The following HS3ST1 variants were observed in gnomAD, a reference collection of about 807,000 sequenced individuals.
HS3ST1 encodes heparan sulfate-glucosamine 3-sulfotransferase 1, also known as heparan sulfate glucosamine 3-O-sulfotransferase 1.
A neutral mutation model predicts 20.7 loss-of-function variants in HS3ST1; 8 were observed. That is an observed-to-expected ratio of 0.39 (90% CI 0.23 to 0.70). The LOEUF (loss-of-function observed/expected upper bound fraction) is 0.70, where lower values mean the gene tolerates loss of function less well. Among genes scored for constraint, HS3ST1 ranks in the 30% least tolerant of loss-of-function variants. The probability of loss-of-function intolerance (pLI) is 0.46; values close to 1 mark genes in which losing one functional copy is unlikely to be tolerated. For missense variants in HS3ST1, 436 were observed against 423.4 expected (o/e 1.03, Z -0.26); for synonymous variants, 205 against 190.4 (o/e 1.08, Z -0.63).
At chr4:11,408,719 G>A (rs372208674) in intron 1 of HS3ST1, among the ~76,000 whole-genome samples, 163 of 152,372 alleles carry the variant, frequency 1.1e-3, no homozygotes, top group Non-Finnish European at 1.9e-3. Context: ...GCAGAGCTCC[G>A]TGACAGGAGG....
intron 1 of HS3ST1, among the ~76,000 whole-genome samples, chr4:11,415,635 A>C (rs1403410427): frequency 6.6e-6 from 1 of 152,244 alleles, no homozygotes; most frequent in Non-Finnish European, 1.5e-5. Flanking sequence ...TGAAAGCAGA[A>C]AAATGCTGCT....
Position 11,408,755 on chromosome 4 carries a change from A to G in HS3ST1, c.-108-8642T>C, listed in dbSNP as rs531542246. On this transcript the variant is annotated intron_variant, in intron 1 of 1. Transcript: ENST00000002596. ...GCGGACAGACGGGGCTTCTCTTATT[A>G]CTCAGTGCAACTGAGTGGAAGAGGA... Among the ~76,000 whole-genome samples, 7 of 152,344 alleles carry G rather than the reference A, an allele frequency of 4.6e-5. No individual in the cohort carries two copies. In the East Asian group the frequency reaches 1.2e-3, roughly 25 times the overall value.
At position 11,425,666 on chromosome 4, in the gene HS3ST1, A is replaced by G. The variant is rs1034548705; in HGVS notation, c.-109+3033T>C. On this transcript the variant is annotated intron_variant, in intron 1 of 1. Coordinates refer to ENST00000002596, the MANE Select transcript of HS3ST1 (RefSeq NM_005114.4). ...GAACATTAAAATAGATCTACGATAA[A>G]ACTTAATTTTTTGTATTTTTTACCC... Among the ~76,000 whole-genome samples the G allele has an allele frequency of 6.6e-5, 10 of 152,210 alleles. No homozygotes were observed. The South Asian group carries it at 1.9e-3, about 28-fold the overall frequency.
intron 1 of HS3ST1, among the ~76,000 whole-genome samples, chr4:11,427,322 G>A (rs1179940590): frequency 6.6e-6 from 1 of 152,162 alleles, no homozygotes; most frequent in African/African-American, 2.4e-5. Flanking sequence ...GGCTACTGGC[G>A]GGAGGCGCAG....
chr4:11,398,949 T>C lies in HS3ST1; in HGVS notation c.*133A>G, dbSNP rs1718222768. ...CTAGTATATATGGCAATTGTGAATC[T>C]AATACTGTACAGAAGTACTTTATGG... On this transcript the variant is annotated 3_prime_UTR_variant, in exon 2 of 2. Coordinates refer to ENST00000002596, the MANE Select transcript of HS3ST1 (RefSeq NM_005114.4). The C allele has an allele frequency of 1.3e-6, 1 of 764,780 alleles. No homozygotes were observed. Among genetic ancestry groups the C allele is most frequent in the South Asian group, 1.9e-5 (1 of 53,102 alleles). The allele number at this position is 764,780 out of a possible 1,614,324, so 47.4% of individuals were successfully genotyped here.
rs1315737497 is a variant in HS3ST1, at chr4:11,394,366, C to T, written c.*4716G>A. 6.6e-6 allele frequency: 1 copy of T among 152,194 alleles called. No individual in the cohort carries two copies. The highest frequency in any genetic ancestry group is 1.5e-5 in the Non-Finnish European group (1 of 68,038). 9.4% of individuals were successfully genotyped at this position (152,194 alleles called of 1,614,324 possible). Reference sequence around the variant, plus strand: ...CTTGACATCAGGGATAACTAAAGCACCAAGGTCATTTTCTACATCAAAACA... The same window carrying T: ...CTTGACATCAGGGATAACTAAAGCATCAAGGTCATTTTCTACATCAAAACA... On this transcript the variant is annotated 3_prime_UTR_variant, in exon 2 of 2. Transcript: ENST00000002596.
intron 1 of HS3ST1, among the ~76,000 whole-genome samples, chr4:11,426,850 T>C (rs1196704224): frequency 6.6e-6 from 1 of 152,242 alleles, no homozygotes; most frequent in East Asian, 1.9e-4. Context: ...ATGGTCCATT[T>C]CAATATGTTA....
chr4:11,414,682 G>T (rs918987038), intron 1 of HS3ST1, among the ~76,000 whole-genome samples: 5 of 152,166 alleles, frequency 3.3e-5, no homozygotes. Context: ...AGATGAGTAG[G>T]CTTGGCCAAA....
rs1489956809 is a variant in HS3ST1, at chr4:11,393,602, T to C, written c.*5480A>G. 2 of 152,050 alleles carry C rather than the reference T, an allele frequency of 1.3e-5. No individual in the cohort carries two copies. The highest frequency in any genetic ancestry group is 4.8e-5 in the African/African-American group (2 of 41,382). 9.4% of individuals were successfully genotyped at this position (152,050 alleles called of 1,614,324 possible). A position where few individuals can be genotyped will look rare whatever the true frequency, so the allele number is the denominator to read the frequency against. On this transcript the variant is annotated 3_prime_UTR_variant, in exon 2 of 2. Transcript: ENST00000002596. ...AGGGTAGCAGAAGAAATGAGTAAGG[T>C]AATGTGGGAAAAGGATGAAGTTTCG...
At position 11,399,542 on chromosome 4, in the gene HS3ST1, G is replaced by C; in HGVS notation, c.464C>G (p.Ser155Cys). 6.2e-7 allele frequency: 1 copy of C among 1,613,950 alleles called. No individual in the cohort carries two copies. The highest frequency in any genetic ancestry group is 8.5e-7 in the Non-Finnish European group (1 of 1,180,032). ...GTTGTAGAACACTTGGGTGTAGTCAGATAGCACGCGCTCCGACGGGTCTCG... is the reference window on the plus strand; with the variant it reads ...GTTGTAGAACACTTGGGTGTAGTCACATAGCACGCGCTCCGACGGGTCTCG... ...ILRDPSERVL[S>C]DYTQVFYNHM... The change falls in exon 2 of 2, where the codon TCT (serine) becomes TGT (cysteine). Residue 155 changes from serine to cysteine, a missense_variant. Transcript: ENST00000002596. This position sits in a 1 kb window ranked among gnomAD's most constrained non-coding sequence, Gnocchi z 5.1.
intron 1 of HS3ST1, among the ~76,000 whole-genome samples, chr4:11,410,670 G>C (rs1718599316): frequency 6.6e-6 from 1 of 152,104 alleles, no homozygotes; most frequent in Admixed American, 6.5e-5. Context: ...AAGGCGGGTA[G>C]AACATGAGGT....
chr4:11,411,072 T>G (rs1171542410), intron 1 of HS3ST1, among the ~76,000 whole-genome samples: 2 of 152,146 alleles, frequency 1.3e-5, no homozygotes, highest in Non-Finnish European at 2.9e-5. Flanking sequence ...GCCCAGGAAC[T>G]TTTTACTATC....
In HS3ST1 at chr4:11,393,155, T is replaced by G. The variant is rs557001166; in HGVS notation, c.*5927A>C. ...AAGAAAGAGACATCCATGTATTAGT[T>G]CTAAGTGGAATATTTATCAAACAAT... On this transcript the variant is annotated 3_prime_UTR_variant, in exon 2 of 2. Transcript: ENST00000002596. 4.6e-5 allele frequency: 7 copies of G among 152,350 alleles called. No homozygotes were observed. The South Asian group carries it at 1.5e-3, about 32-fold the overall frequency. 9.4% of individuals were successfully genotyped at this position (152,350 alleles called of 1,614,324 possible). A position where few individuals can be genotyped will look rare whatever the true frequency, so the allele number is the denominator to read the frequency against.
At chr4:11,419,574 A>C (rs1195987073) in intron 1 of HS3ST1, among the ~76,000 whole-genome samples, 1 of 152,134 alleles carries the variant, frequency 6.6e-6, no homozygotes, top group Non-Finnish European at 1.5e-5. Flanking sequence ...GCAAAACACC[A>C]TGGCACACGT....
intron 1 of HS3ST1, among the ~76,000 whole-genome samples, chr4:11,415,417 A>G (rs890093957): frequency 3.3e-5 from 5 of 152,242 alleles, no homozygotes; most frequent in African/African-American, 7.2e-5. Flanking sequence ...CCCACCTGAC[A>G]TATGATAGAC....
chr4:11,422,576 C>T (rs1243655306), intron 1 of HS3ST1, among the ~76,000 whole-genome samples: 1 of 152,126 alleles, frequency 6.6e-6, no homozygotes, highest in Non-Finnish European at 1.5e-5. Context: ...GACTCCCATA[C>T]TAAACTGTAA....
upstream of HS3ST1, among the ~76,000 whole-genome samples, chr4:11,433,675 GAA>G (rs543965995): frequency 6.8e-6 from 1 of 147,942 alleles, no homozygotes; most frequent in Non-Finnish European, 1.5e-5. Context: ...ACACTCTTCA[GAA>G]AAAAAAAAGT....
Position 11,400,122 on chromosome 4 carries a change from CA to C in HS3ST1, c.-108-10del, listed in dbSNP as rs778272694. The stretch of plus-strand genomic sequence containing the variant: ...TTTCAGGCCTTCAATTACTAGGGAA[CA>C]AAAAGGGAAGATATTAACATATAAC... On this transcript the variant is annotated splice_polypyrimidine_tract_variant and intron_variant, in intron 1 of 1. Coordinates refer to ENST00000002596, the MANE Select transcript of HS3ST1 (RefSeq NM_005114.4). 474 of 1,425,974 alleles carry C rather than the reference CA, an allele frequency of 3.3e-4. No individual in the cohort carries two copies. The highest frequency in any genetic ancestry group is 1.5e-3 in the Middle Eastern group (6 of 3,880). 88.3% of individuals were successfully genotyped at this position (1,425,974 alleles called of 1,614,324 possible).
At chr4:11,407,765 G>A (rs1428789576) in intron 1 of HS3ST1, among the ~76,000 whole-genome samples, 1 of 152,226 alleles carries the variant, frequency 6.6e-6, no homozygotes, top group Admixed American at 6.5e-5. Context: ...ATGCACGCAA[G>A]TCACTTGGAA....
Sources: gnomAD v4.1 joint callset for allele counts (sites outside exome capture counted in the v4.1 genomes callset) on GRCh38, gnomAD v4.1.1 for gene constraint, Gnocchi (gnomAD v3.1) non-coding constraint, MANE v1.5 for transcripts, NCBI Gene and HGNC (gene_info 2026-07-23, HGNC 2026-07-21) for gene names.